Variants in MUC3A observed in about 807,000 individuals in gnomAD.
MUC3A encodes the protein mucin-3A.
A neutral mutation model predicts 109.0 loss-of-function variants in MUC3A; 109 were observed. The ratio of observed to expected loss-of-function variants is 1.00; its 90% CI spans 0.86 to 1.17. The LOEUF (loss-of-function observed/expected upper bound fraction) is 1.17. Among genes scored for constraint, MUC3A ranks in the 50% most tolerant of loss-of-function variants. The pLI is 0.00. For synonymous variants in MUC3A, 1,398 were observed against 981.4 expected (o/e 1.42, Z -7.93); for missense variants, 3,537 against 2,469.4 (o/e 1.43, Z -9.16).
At position 100,962,013 on chromosome 7, in the gene MUC3A, A is replaced by G. The variant is rs1246011791; in HGVS notation, c.9052+1076A>G. 1.7e-5 allele frequency among the ~76,000 whole-genome samples: 2 copies of G among 116,620 alleles called. 1 individual carries two copies. Among genetic ancestry groups the G allele is most frequent in the Non-Finnish European group, 4.0e-5 (2 of 50,334 alleles). 76.5% of individuals were successfully genotyped at this position (116,620 alleles called of 152,430 possible). Reference sequence around the variant, plus strand: ...TTTGGGAGGCCGAGGCGGGCGGATCACGAGGTCAGGAGATCGAGACCATCC... The same window carrying G: ...TTTGGGAGGCCGAGGCGGGCGGATCGCGAGGTCAGGAGATCGAGACCATCC... On this transcript the variant is annotated intron_variant, in intron 3 of 11. Transcript: ENST00000379458.
chr7:100,962,785 CTCTT>C (rs1320870591), intron 3 of MUC3A, among the ~76,000 whole-genome samples: 30 of 132,620 alleles, frequency 2.3e-4, no homozygotes, highest in East Asian at 1.7e-3. Flanking sequence ...TTCTTTCTTT[CTCTT>C]TCTTTCTTTC....
rs1426151800 is a variant in MUC3A at position 100,959,937 on chromosome 7, G to A, written c.8158G>A (p.Glu2720Lys). ...VPSSPYIFST[E>K]NVGSASITGF... is the part of the protein sequence containing the mutation. ...TTCTTCACCATACATTTTCAGTACA[G>A]AAAATGTGGGCTCCGCTTCTATCAC... The change falls in exon 2 of 12, where the codon GAA becomes AAA. Residue 2720 changes from glutamate (E) to lysine (K), a missense_variant. Glu to Lys is a moderately conservative substitution (Grantham distance 56). Coordinates refer to ENST00000379458, the MANE Select transcript of MUC3A (RefSeq NM_005960.2). 6.6e-7 allele frequency: 1 copy of A among 1,511,468 alleles called. No homozygotes were observed. Among genetic ancestry groups the A allele is most frequent in the Non-Finnish European group, 8.8e-7 (1 of 1,141,052 alleles). The allele number at this position is 1,511,468 out of a possible 1,614,324, so 93.6% of individuals were successfully genotyped here. A position where few individuals can be genotyped will look rare whatever the true frequency, so the allele number is the denominator to read the frequency against.
In MUC3A at chr7:100,957,672, A is replaced by G; in HGVS notation, c.5893A>G (p.Thr1965Ala). The G allele has an allele frequency of 6.7e-7, 1 of 1,500,000 alleles. No homozygotes were observed. Among genetic ancestry groups the G allele is most frequent in the Non-Finnish European group, 9.1e-7 (1 of 1,101,868 alleles). 92.9% of individuals were successfully genotyped at this position (1,500,000 alleles called of 1,614,324 possible). A position where few individuals can be genotyped will look rare whatever the true frequency, so the allele number is the denominator to read the frequency against. Reference sequence around the variant, plus strand: ...CAGCTTCACTTCTTCGATCACCACCACCGAGACCACATCCCACAATACTCC... The same window carrying G: ...CAGCTTCACTTCTTCGATCACCACCGCCGAGACCACATCCCACAATACTCC... ...SPSFTSSITT[T>A]ETTSHNTPSL... Residue 1965 changes from threonine to alanine, a missense_variant, in exon 2 of 12, where the codon ACC (threonine) becomes GCC (alanine). By Grantham distance (58) the Thr-to-Ala change is moderately conservative. Transcript: ENST00000379458.
chr7:100,951,596 G>A (rs929104258), intron 1 of MUC3A, among the ~76,000 whole-genome samples: 1 of 152,168 alleles, frequency 6.6e-6, no homozygotes, highest in Non-Finnish European at 1.5e-5. Context: ...CCATGACAAG[G>A]CCAAGGCCCG....
chr7:100,951,285 G>T (rs900332599), intron 1 of MUC3A, among the ~76,000 whole-genome samples: 6 of 152,302 alleles, frequency 3.9e-5, no homozygotes, highest in African/African-American at 1.4e-4. Context: ...ATGAGCCACC[G>T]TGCCTGGCCC....
chr7:100,960,683 C>T (rs780869974), intron 2 of MUC3A, 38 bp downstream of exon 2: 33 of 1,592,248 alleles, frequency 2.1e-5, no homozygotes, highest in Non-Finnish European at 2.6e-5. Flanking sequence ...TCCTTCCTCC[C>T]CTGCAAAATT....
Position 100,952,592 on chromosome 7 carries a change from T to C in MUC3A, c.813T>C (p.Ser271=). 2 of 1,598,508 alleles carry C rather than the reference T, an allele frequency of 1.3e-6. No individual in the cohort carries two copies. The highest frequency in any genetic ancestry group is 1.1e-5 in the South Asian group (1 of 91,080). ...SSITSTNTVT[S]MTTTASQPTA... The stretch of plus-strand genomic sequence containing the variant: ...TCACTTCCACAAATACAGTGACTTC[T>C]ATGACAACGACCGCCTCCCAGCCCA... The change falls in exon 2 of 12, where the codon TCT becomes TCC. Residue 271 remains serine, a synonymous_variant. Transcript: ENST00000379458.
Position 100,957,338 on chromosome 7 carries a change from G to T in MUC3A, c.5559G>T (p.Thr1853=). The change falls in exon 2 of 12, where the codon ACG becomes ACT. Residue 1853 remains threonine (T), a synonymous_variant. Transcript: ENST00000379458. The part of the protein sequence containing the change: ...TSLTSALTDS[T]TRTTYSTNMT... ...TTACTAGTGCTCTCACAGATTCCAC[G>T]ACCAGAACCACCTATTCCACCAATA... 1.7e-6 allele frequency: 1 copy of T among 584,812 alleles called. No homozygotes were observed. The highest frequency in any genetic ancestry group is 3.0e-6 in the Non-Finnish European group (1 of 335,922). 36.2% of individuals were successfully genotyped at this position (584,812 alleles called of 1,614,324 possible). A position where few individuals can be genotyped will look rare whatever the true frequency, so the allele number is the denominator to read the frequency against.
Position 100,960,511 on chromosome 7 carries a change from A to C in MUC3A, c.8732A>C (p.His2911Pro), listed in dbSNP as rs112964636. The C allele has an allele frequency of 0.035, 55,829 of 1,579,044 alleles. 1 individual carries two copies. Among genetic ancestry groups the C allele is most frequent in the African/African-American group, 0.26 (17,871 of 68,960 alleles). The change falls in exon 2 of 12, where the codon CAC (histidine) becomes CCC (proline). Residue 2911 changes from histidine to proline, a missense_variant. His to Pro is a moderately conservative substitution (Grantham distance 77). Transcript: ENST00000379458. Reference sequence around the variant, plus strand: ...CTGAGGACTTCAAGCAAGTCAACACACCCCTCCCCACCCACCACTAGGACT... The same window carrying C: ...CTGAGGACTTCAAGCAAGTCAACACCCCCCTCCCCACCCACCACTAGGACT... ...TILRTSSKST[H>P]PSPPTTRTSE... is the part of the protein sequence containing the mutation.
At chr7:100,950,014 G>C (rs11762787) in intron 1 of MUC3A, among the ~76,000 whole-genome samples, 17,660 of 150,950 alleles carry the variant, frequency 0.12, 15 homozygotes, top group Non-Finnish European at 0.17. Flanking sequence ...TGGGATTTAC[G>C]TCTTCCCAGA....
Position 100,953,064 on chromosome 7 carries a change from G to A in MUC3A, c.1285G>A (p.Val429Met). ...SSLPPTSGTM[V>M]TSTTMTPSSL... The stretch of plus-strand genomic sequence containing the variant: ...ACTTCCCCCTACCTCAGGTACTATG[G>A]TGACTTCCACAACCATGACCCCATC... The change falls in exon 2 of 12, where the codon GTG becomes ATG. Residue 429 changes from valine to methionine, a missense_variant. Coordinates refer to ENST00000379458, the MANE Select transcript of MUC3A (RefSeq NM_005960.2). The A allele has an allele frequency of 7.2e-7, 1 of 1,391,902 alleles. No homozygotes were observed. Among genetic ancestry groups the A allele is most frequent in the Non-Finnish European group, 1.0e-6 (1 of 992,250 alleles). The allele number at this position is 1,391,902 out of a possible 1,614,324, so 86.2% of individuals were successfully genotyped here. A position where few individuals can be genotyped will look rare whatever the true frequency, so the allele number is the denominator to read the frequency against.
chr7:100,953,934 G>T lies in MUC3A; in HGVS notation c.2155G>T (p.Gly719Cys). 2.2e-6 allele frequency: 1 copy of T among 450,336 alleles called. No individual in the cohort carries two copies. The highest frequency in any genetic ancestry group is 3.9e-6 in the Non-Finnish European group (1 of 257,890). 27.9% of individuals were successfully genotyped at this position (450,336 alleles called of 1,614,324 possible). A position where few individuals can be genotyped will look rare whatever the true frequency, so the allele number is the denominator to read the frequency against. The change falls in exon 2 of 12, where the codon GGT (glycine) becomes TGT (cysteine). Residue 719 changes from glycine to cysteine, a missense_variant. Physicochemically the swap from Gly to Cys is radical, Grantham distance 159. Coordinates refer to ENST00000379458, the MANE Select transcript of MUC3A (RefSeq NM_005960.2). Reference sequence around the variant, plus strand: ...CTATCCTAATTCTCCGACTGGTCCTGGTACAAACTCCACGACGGAAATCAC... The same window carrying T: ...CTATCCTAATTCTCCGACTGGTCCTTGTACAAACTCCACGACGGAAATCAC... ...TTYPNSPTGPGTNSTTEITYP... is the reference protein window; with the variant it reads ...TTYPNSPTGPCTNSTTEITYP...
Position 100,959,515 on chromosome 7 carries a change from A to ACG in MUC3A, c.7736_7737insCG (p.Gln2579HisfsTer7). On this transcript the variant is annotated frameshift_variant, in exon 2 of 12. Coordinates refer to ENST00000379458, the MANE Select transcript of MUC3A (RefSeq NM_005960.2). LOFTEE classifies it high-confidence loss of function. Reference sequence around the variant, plus strand: ...GTTGTTATACCTGAAACCCCAACACAGACCCCTCCTGTACTGACGTCAGCC... The same window carrying ACG: ...GTTGTTATACCTGAAACCCCAACACACGGACCCCTCCTGTACTGACGTCAGCC... The ACG allele has an allele frequency of 1.3e-6, 2 of 1,576,820 alleles. No individual in the cohort carries two copies. The highest frequency in any genetic ancestry group is 8.5e-7 in the Non-Finnish European group (1 of 1,171,538).
chr7:100,963,810 C>CA (rs1363541731), intron 5 of MUC3A, 58 bp downstream of exon 5: 4 of 1,593,062 alleles, frequency 2.5e-6, no homozygotes, highest in South Asian at 1.1e-5. Context: ...TGTGCGCACA[C>CA]AAAAAACCCA....
Position 100,953,478 on chromosome 7 carries a change from G to A in MUC3A, c.1699G>A (p.Glu567Lys). The part of the protein sequence containing the change: ...ASTSTLHTTA[E>K]STLAPTTTTS... ...CACCAGTACACTCCACACAACAGCT[G>A]AATCCACCCTGGCACCCACTACCAC... The change falls in exon 2 of 12, where the codon GAA becomes AAA. Residue 567 changes from glutamate to lysine, a missense_variant. Coordinates refer to ENST00000379458, the MANE Select transcript of MUC3A (RefSeq NM_005960.2). The A allele has an allele frequency of 2.2e-6, 1 of 461,276 alleles. No individual in the cohort carries two copies. The highest frequency in any genetic ancestry group is 3.7e-6 in the Non-Finnish European group (1 of 266,688). 28.6% of individuals were successfully genotyped at this position (461,276 alleles called of 1,614,324 possible).
Position 100,960,374 on chromosome 7 carries a change from A to T in MUC3A, c.8595A>T (p.Arg2865=), listed in dbSNP as rs1303215681. 1.3e-6 allele frequency: 2 copies of T among 1,598,546 alleles called. No individual in the cohort carries two copies. The highest frequency in any genetic ancestry group is 3.3e-5 in the Admixed American group (2 of 60,034). The change falls in exon 2 of 12, where the codon CGA becomes CGT. Residue 2865 remains arginine, a synonymous_variant. Transcript: ENST00000379458. The part of the protein sequence containing the change: ...VPTNTVFTST[R]LPTSETWLSN... ...CAAACACAGTTTTCACAAGTACTCGACTGCCCACCAGTGAGACCTGGCTGA... is the reference window on the plus strand; with the variant it reads ...CAAACACAGTTTTCACAAGTACTCGTCTGCCCACCAGTGAGACCTGGCTGA...
chr7:100,963,894 T>C (rs1792429651), intron 5 of MUC3A, 142 bp downstream of exon 5: 1 of 1,235,532 alleles, frequency 8.1e-7, no homozygotes. Flanking sequence ...TCCCTGGGTA[T>C]TTTTTCGGAT....
At position 100,963,268 on chromosome 7, in the gene MUC3A, T is replaced by C; in HGVS notation, c.9168+2T>C. 1 of 1,595,148 alleles carries C rather than the reference T, an allele frequency of 6.3e-7. No homozygotes were observed. The highest frequency in any genetic ancestry group is 8.5e-7 in the Non-Finnish European group (1 of 1,178,396). ...TTCAACAAGACCTTCTGGAATCAGG[T>C]AAAGGGCAAAGAGAGGGGATTTTTT... On this transcript the variant is annotated splice_donor_variant, in intron 4 of 11. Coordinates refer to ENST00000379458, the MANE Select transcript of MUC3A (RefSeq NM_005960.2). LOFTEE classifies it high-confidence loss of function.
Position 100,960,079 on chromosome 7 carries a change from C to G in MUC3A, c.8300C>G (p.Thr2767Arg). Residue 2767 changes from threonine to arginine, a missense_variant, in exon 2 of 12, where the codon ACA (threonine) becomes AGA (arginine). By Grantham distance (71) the Thr-to-Arg change is moderately conservative (BLOSUM62 -1). Coordinates refer to ENST00000379458, the MANE Select transcript of MUC3A (RefSeq NM_005960.2). ...PFSYISLPST[T>R]PCPGTITITI... ...TCTTATATTTCCCTTCCCTCCACCACACCCTGTCCAGGAACTATAACAATT... is the reference window on the plus strand; with the variant it reads ...TCTTATATTTCCCTTCCCTCCACCAGACCCTGTCCAGGAACTATAACAATT... The G allele has an allele frequency of 6.6e-7, 1 of 1,516,758 alleles. No individual in the cohort carries two copies. Among genetic ancestry groups the G allele is most frequent in the South Asian group, 1.3e-5 (1 of 76,170 alleles). 94.0% of individuals were successfully genotyped at this position (1,516,758 alleles called of 1,614,324 possible). A position where few individuals can be genotyped will look rare whatever the true frequency, so the allele number is the denominator to read the frequency against.
Sources: gnomAD v4.1 joint callset for allele counts (sites outside exome capture counted in the v4.1 genomes callset) on GRCh38, gnomAD v4.1.1 for gene constraint, MANE v1.5 for transcripts, NCBI Gene and HGNC (gene_info 2026-07-23, HGNC 2026-07-21) for gene names.